Variants in TARS1 observed in about 807,000 individuals in gnomAD.
TARS1 encodes the protein threonyl-tRNA synthetase 1.
Under a neutral mutation model 97.7 loss-of-function variants are expected in TARS1, and 57 were observed. The observed-to-expected ratio is 0.58, with a 90% confidence interval of 0.47 to 0.73. The LOEUF (loss-of-function observed/expected upper bound fraction) is 0.73. Ranked by LOEUF, TARS1 falls within the 30% of genes least tolerant of loss-of-function variation. TARS1 has a pLI of 0.00. For synonymous variants in TARS1, 312 were observed against 293.7 expected, an observed-to-expected ratio of 1.06 and a Z score of -0.64; for missense variants, 806 against 888.3, an observed-to-expected ratio of 0.91 and a Z score of 1.18.
intron 1 of TARS1, among the ~76,000 whole-genome samples, chr5:33,443,479 T>C (rs540181353): frequency 0.011 from 1,548 of 146,366 alleles, 13 homozygotes; most frequent in Middle Eastern, 0.017. Context: ...TTCTTTCTTT[T>C]TTTTTTTTTT....
At chr5:33,462,704 T>C (rs1259665952) in intron 16 of TARS1, among the ~76,000 whole-genome samples, 1 of 152,228 alleles carries the variant, frequency 6.6e-6, no homozygotes, top group Non-Finnish European at 1.5e-5. Flanking sequence ...AAGTAAGTTT[T>C]TGTTTCCAAG....
chr5:33,460,907 T>C lies in TARS1; in HGVS notation c.1256T>C (p.Met419Thr), dbSNP rs1742257388. The change falls in exon 12 of 19, where the codon ATG becomes ACG. Residue 419 changes from methionine (M) to threonine (T), a missense_variant. Met to Thr is a moderately conservative substitution (Grantham distance 81, BLOSUM62 -1). Transcript: ENST00000265112. Reference sequence around the variant, plus strand: ...ACTTTTCTTTTTCTCTTCAGCCTTATGTTTGATCATCGGCCAAGGTCCTGG... The same window carrying C: ...ACTTTTCTTTTTCTCTTCAGCCTTACGTTTGATCATCGGCCAAGGTCCTGG... ...KPMNCPGHCL[M>T]FDHRPRSWRE... 1 of 1,614,010 alleles carries C rather than the reference T, an allele frequency of 6.2e-7. No individual in the cohort carries two copies. Among genetic ancestry groups the C allele is most frequent in the African/African-American group, 1.3e-5 (1 of 74,914 alleles).
In TARS1 at chr5:33,441,058, G is replaced by C. The variant is rs757847619; in HGVS notation, c.-29G>C. 2 of 1,614,100 alleles carry C rather than the reference G, an allele frequency of 1.2e-6. No individual in the cohort carries two copies. Among genetic ancestry groups the C allele is most frequent in the Non-Finnish European group, 1.7e-6 (2 of 1,179,980 alleles). ...TCCTCTCCTCTAGGCCGTCGCTTTCGGGTTCTCTCATCGCTTCGTCGTTCG... is the reference window on the plus strand; with the variant it reads ...TCCTCTCCTCTAGGCCGTCGCTTTCCGGTTCTCTCATCGCTTCGTCGTTCG... On this transcript the variant is annotated 5_prime_UTR_variant, in exon 1 of 19. Transcript: ENST00000265112.
intron 3 of TARS1, among the ~76,000 whole-genome samples, chr5:33,449,180 G>T (rs927050800): frequency 2.8e-4 from 43 of 151,918 alleles, no homozygotes; most frequent in African/African-American, 8.7e-4. Flanking sequence ...TTTTATTGGG[G>T]TGGGAAGAAG....
rs144381018 is a variant in TARS1 at position 33,455,016 on chromosome 5, C to T, written c.525C>T (p.Tyr175=). ...GAGTCTATGGTGGATGTTTATGCTA[C>T]GGTCCGCCAATAGAAAATGGATTCT... ...MERVYGGCLC[Y]GPPIENGFYY... The change falls in exon 5 of 19, where the codon TAC becomes TAT. Residue 175 remains tyrosine, a synonymous_variant. Coordinates refer to ENST00000265112, the MANE Select transcript of TARS1 (RefSeq NM_152295.5). The T allele has an allele frequency of 1.6e-3, 2,511 of 1,613,716 alleles. 59 individuals carry two copies. In the Admixed American group the frequency reaches 0.036, roughly 23 times the overall value.
At chr5:33,461,393 A>G in intron 13 of TARS1, 98 bp downstream of exon 13, 1 of 1,478,212 alleles carries the variant, frequency 6.8e-7, no homozygotes, top group African/African-American at 1.4e-5. Context: ...TAAAAGCAAA[A>G]TGAAATTGGA....
rs202149660 is a variant in TARS1 at position 33,451,373 on chromosome 5, CTT to C, written c.330-1901_330-1900del. ...TTTTCTTTGAAGTTTTGTTATAAATCTTTTTTTTTTTTTTTTGAGACGGAGGA... is the reference window on the plus strand; with the variant it reads ...TTTTCTTTGAAGTTTTGTTATAAATCTTTTTTTTTTTTTTGAGACGGAGGA... On this transcript the variant is annotated intron_variant, in intron 3 of 18. Coordinates refer to ENST00000265112, the MANE Select transcript of TARS1 (RefSeq NM_152295.5). Among the ~76,000 whole-genome samples the C allele has an allele frequency of 1.4e-3, 197 of 138,886 alleles. 1 individual carries two copies. The highest frequency in any genetic ancestry group is 3.9e-3 in the African/African-American group (145 of 36,994). 91.1% of individuals were successfully genotyped at this position (138,886 alleles called of 152,430 possible).
chr5:33,458,850 C>T (rs999515320), intron 10 of TARS1, among the ~76,000 whole-genome samples, 186 bp downstream of exon 10: 1 of 152,158 alleles, frequency 6.6e-6, no homozygotes, highest in Non-Finnish European at 1.5e-5. Flanking sequence ...CACATAGAAA[C>T]TGGTGAGCTT....
chr5:33,444,101 T>C (rs778349636), intron 1 of TARS1, among the ~76,000 whole-genome samples: 14 of 152,246 alleles, frequency 9.2e-5, no homozygotes, highest in South Asian at 2.1e-4. Context: ...TATTGATGCA[T>C]GTTACAACCT....
At chr5:33,453,477 C>A in intron 4 of TARS1, 65 bp downstream of exon 4, 1 of 1,588,186 alleles carries the variant, frequency 6.3e-7, no homozygotes. Flanking sequence ...TCTTTTCCAG[C>A]TCAGTCCTGC....
intron 4 of TARS1, among the ~76,000 whole-genome samples, chr5:33,453,722 A>AT (rs911017855): frequency 1.8e-3 from 263 of 144,430 alleles, no homozygotes; most frequent in Non-Finnish European, 1.9e-3. Context: ...TTTTATTTTA[A>AT]TTTTTTTTTT....
intron 15 of TARS1, 34 bp from the exon 16 acceptor site, chr5:33,462,065 T>A: frequency 6.2e-7 from 1 of 1,602,318 alleles, no homozygotes; most frequent in South Asian, 1.1e-5. Context: ...AAAATATATA[T>A]AATAAGACAA....
chr5:33,441,201 T>C, intron 1 of TARS1, 58 bp downstream of exon 1: 2 of 1,601,550 alleles, frequency 1.2e-6, no homozygotes, highest in Non-Finnish European at 1.7e-6. Flanking sequence ...GTGCAGACGC[T>C]ACGCTCGCGG....
At chr5:33,465,737 AT>A (rs1742500842) in intron 17 of TARS1, among the ~76,000 whole-genome samples, 1 of 152,262 alleles carries the variant, frequency 6.6e-6, no homozygotes, top group Admixed American at 6.5e-5. Context: ...AGTATGCCTT[AT>A]AGAAATAAAC....
chr5:33,442,002 A>G (rs140391839), intron 1 of TARS1: 2 of 152,378 alleles, frequency 1.3e-5, no homozygotes, highest in Admixed American at 6.5e-5. Flanking sequence ...TATTCTATAC[A>G]TGAAGGATCT....
At position 33,458,658 on chromosome 5, in the gene TARS1, C is replaced by A. The variant is rs1742146368; in HGVS notation, c.1077C>A (p.Phe359Leu). The A allele has an allele frequency of 1.2e-6, 2 of 1,610,156 alleles. No homozygotes were observed. Among genetic ancestry groups the A allele is most frequent in the South Asian group, 1.1e-5 (1 of 90,494 alleles). Residue 359 changes from phenylalanine (F) to leucine (L), a missense_variant, in exon 10 of 19, where the codon TTC becomes TTA. Physicochemically the swap from Phe to Leu is conservative, Grantham distance 22. Coordinates refer to ENST00000265112, the MANE Select transcript of TARS1 (RefSeq NM_152295.5). ...GAYIYNALIE[F>L]IRSEYRKRGF... is the part of the protein sequence containing the mutation. The stretch of plus-strand genomic sequence containing the variant: ...ACATTTATAATGCACTTATTGAATT[C>A]ATTAGGGTAAGTCATATTTATTGCT...
intron 18 of TARS1, 130 bp from the exon 19 acceptor site, chr5:33,467,430 T>G: frequency 9.9e-7 from 1 of 1,007,058 alleles, no homozygotes. Flanking sequence ...CATGGTCACT[T>G]GTACCTTTTA....
At chr5:33,455,930 G>GT (rs764705044) in intron 6 of TARS1, 72 bp from the exon 7 acceptor site, 37 of 1,346,466 alleles carry the variant, frequency 2.7e-5, no homozygotes, top group Middle Eastern at 4.1e-4. Context: ...ACAGTGCTAC[G>GT]TTTTAGCTAT....
rs1741067136 is a variant in TARS1 at position 33,441,140 on chromosome 5, G to A, written c.54G>A (p.Lys18=). Residue 18 remains lysine (K), a synonymous_variant, in exon 1 of 19, where the codon AAG becomes AAA. Transcript: ENST00000265112. ...SPSGKMGGEE[K]PIGAGEEKQK... ...CAGGGAAGATGGGAGGCGAGGAGAA[G>A]CCGGTGAGCAAACTTGGTGGGACCC... The A allele has an allele frequency of 6.2e-7, 1 of 1,614,096 alleles. No homozygotes were observed.
Sources: gnomAD v4.1 joint callset for allele counts (sites outside exome capture counted in the v4.1 genomes callset) on GRCh38, gnomAD v4.1.1 for gene constraint, MANE v1.5 for transcripts, NCBI Gene and HGNC (gene_info 2026-07-23, HGNC 2026-07-21) for gene names.